The following LIN52 variants were observed in gnomAD, a reference collection of about 807,000 sequenced individuals.
LIN52 encodes lin-52 DREAM MuvB core complex component, also known as protein lin-52 homolog.
Under a neutral mutation model 18.5 loss-of-function variants are expected in LIN52, and 4 were observed. That is an observed-to-expected ratio of 0.22 (90% CI 0.11 to 0.49). The LOEUF (loss-of-function observed/expected upper bound fraction) is 0.49. LIN52 is among the 20% of genes least tolerant of loss of function. The probability of loss-of-function intolerance (pLI) is 0.97; values close to 1 mark genes in which losing one functional copy is unlikely to be tolerated. For missense variants in LIN52, 102 were observed against 139.5 expected (o/e 0.73, Z 1.35); for synonymous variants, 34 against 45.5 (o/e 0.75, Z 1.02).
At chr14:74,098,393 C>T (rs1443686884) in intron 4 of LIN52, among the ~76,000 whole-genome samples, 1 of 151,982 alleles carries the variant, frequency 6.6e-6, no homozygotes, top group Non-Finnish European at 1.5e-5. Flanking sequence ...GTGGCAAGCT[C>T]CTGTAATCCC....
At chr14:74,107,310 G>A (rs2060902809) in intron 5 of LIN52, among the ~76,000 whole-genome samples, 1 of 152,164 alleles carries the variant, frequency 6.6e-6, no homozygotes, top group Admixed American at 6.6e-5. Context: ...AGACCTGTAA[G>A]TTTCAATACT....
chr14:74,154,391 A>G (rs1042472665), intron 5 of LIN52, among the ~76,000 whole-genome samples: 4 of 152,234 alleles, frequency 2.6e-5, no homozygotes, highest in Non-Finnish European at 5.9e-5. Context: ...TCTATAAGGA[A>G]GGCAGATTAG....
intron 5 of LIN52, among the ~76,000 whole-genome samples, chr14:74,187,202 A>C (rs2061344752): frequency 6.6e-6 from 1 of 152,232 alleles, no homozygotes; most frequent in South Asian, 2.1e-4. Context: ...CAGAAAAGTA[A>C]ATTACTTGTT....
At chr14:74,097,923 A>AT (rs1309999995) in intron 4 of LIN52, 63 bp downstream of exon 4, 12,406 of 1,062,186 alleles carry the variant, frequency 0.012, 6 homozygotes, top group African/African-American at 0.014. Context: ...CCACCTCTCT[A>AT]TTTTTTTTTT....
rs577411506 is a variant in LIN52 at position 74,182,561 on chromosome 14, A to G, written c.284-16361A>G. Among the ~76,000 whole-genome samples the G allele has an allele frequency of 1.4e-3, 181 of 130,780 alleles. 8 individuals carry two copies. In the South Asian group the frequency reaches 0.039, roughly 28 times the overall value. 85.8% of individuals were successfully genotyped at this position (130,780 alleles called of 152,430 possible). ...ATCTGTGAAGTAAAAGAATGATCGC[A>G]GTAAAATTGGATTAGCGAGGTCATC... On this transcript the variant is annotated intron_variant, in intron 5 of 5. Transcript: ENST00000555028.
At chr14:74,096,285 C>T (rs2060812228) in intron 3 of LIN52, among the ~76,000 whole-genome samples, 2 of 151,990 alleles carry the variant, frequency 1.3e-5, no homozygotes, top group Non-Finnish European at 2.9e-5. Context: ...GTCTCAAACT[C>T]CTGACCTCAA....
At chr14:74,119,988 A>G (rs892891691) in intron 5 of LIN52, among the ~76,000 whole-genome samples, 8 of 151,980 alleles carry the variant, frequency 5.3e-5, no homozygotes, top group African/African-American at 1.2e-4. Context: ...GGTGCACGCT[A>G]CCACGTGTGC....
At chr14:74,184,253 G>T (rs1256605756) in intron 5 of LIN52, among the ~76,000 whole-genome samples, 3 of 152,152 alleles carry the variant, frequency 2.0e-5, no homozygotes, top group Non-Finnish European at 1.5e-5. Flanking sequence ...GCTAATTTTT[G>T]TATTTTTTGT....
intron 5 of LIN52, among the ~76,000 whole-genome samples, chr14:74,117,689 G>A (rs2139916573): frequency 6.6e-6 from 1 of 152,146 alleles, no homozygotes; most frequent in East Asian, 1.9e-4. Flanking sequence ...AAAATAAGGA[G>A]TGTTTTTGTA....
intron 2 of LIN52, among the ~76,000 whole-genome samples, chr14:74,092,423 G>A (rs1016199348): frequency 4.0e-5 from 6 of 149,396 alleles, no homozygotes; most frequent in Non-Finnish European, 8.9e-5. Flanking sequence ...CTCCTGCCTC[G>A]GCTCCCGAGT....
chr14:74,187,418 T>C (rs558733298), intron 5 of LIN52, among the ~76,000 whole-genome samples: 1 of 152,308 alleles, frequency 6.6e-6, no homozygotes, highest in African/African-American at 2.4e-5. Flanking sequence ...AAAGTACTGC[T>C]CTTGTTTATC....
intron 5 of LIN52, among the ~76,000 whole-genome samples, chr14:74,193,983 C>T (rs1232220459): frequency 6.6e-6 from 1 of 152,220 alleles, no homozygotes; most frequent in African/African-American, 2.4e-5. Flanking sequence ...AAAAACTGAA[C>T]TATGAGTTTC....
At chr14:74,188,346 T>G (rs1439293491) in intron 5 of LIN52, among the ~76,000 whole-genome samples, 1 of 152,192 alleles carries the variant, frequency 6.6e-6, no homozygotes, top group Non-Finnish European at 1.5e-5. Context: ...GAAAAAATAG[T>G]GGCGTGAATA....
intron 5 of LIN52, among the ~76,000 whole-genome samples, chr14:74,177,871 G>A (rs2061300717): frequency 6.6e-6 from 1 of 152,132 alleles, no homozygotes; most frequent in South Asian, 2.1e-4. Flanking sequence ...TCCGCCACGT[G>A]CGCTCAAGCA....
intron 5 of LIN52, among the ~76,000 whole-genome samples, chr14:74,127,766 G>A (rs1206213298): frequency 6.6e-6 from 1 of 151,776 alleles, no homozygotes. Context: ...TTTTTGAGAT[G>A]GGGTCTTGCT....
intron 5 of LIN52, among the ~76,000 whole-genome samples, chr14:74,130,315 T>C (rs1409721635): frequency 7.5e-6 from 1 of 133,072 alleles, no homozygotes; most frequent in African/African-American, 3.1e-5. Context: ...CTCGCTCTTT[T>C]GCCAAGCTGG....
intron 5 of LIN52, among the ~76,000 whole-genome samples, chr14:74,121,190 T>C (rs770150186): frequency 1.3e-5 from 2 of 152,258 alleles, no homozygotes; most frequent in Non-Finnish European, 2.9e-5. Flanking sequence ...TAAATCATTA[T>C]AACCCAACAG....
intron 5 of LIN52, among the ~76,000 whole-genome samples, chr14:74,136,095 C>T (rs2061096244): frequency 6.6e-6 from 1 of 152,040 alleles, no homozygotes; most frequent in Admixed American, 6.6e-5. Context: ...CTTGCTATGT[C>T]CAATGTAGCA....
At chr14:74,129,847 A>G (rs1236976979) in intron 5 of LIN52, among the ~76,000 whole-genome samples, 2 of 152,146 alleles carry the variant, frequency 1.3e-5, no homozygotes, top group Non-Finnish European at 2.9e-5. Context: ...GACCCTATGT[A>G]TAGTCTGTTT....
Sources: gnomAD v4.1 joint callset for allele counts (sites outside exome capture counted in the v4.1 genomes callset) on GRCh38, gnomAD v4.1.1 for gene constraint, MANE v1.5 for transcripts, NCBI Gene and HGNC (gene_info 2026-07-23, HGNC 2026-07-21) for gene names.